Variants in IRGM observed in about 807,000 individuals in gnomAD.
IRGM encodes immunity-related GTPase family M protein.
For synonymous variants in IRGM, 98 were observed against 80.6 expected, an observed-to-expected ratio of 1.22 and a Z score of -1.16; for missense variants, 288 against 219.9, an observed-to-expected ratio of 1.31 and a Z score of -1.96.
intron 3 of IRGM, among the ~76,000 whole-genome samples, chr5:150,880,337 A>T (rs1754426149): frequency 6.6e-6 from 1 of 151,984 alleles, no homozygotes; most frequent in Non-Finnish European, 1.5e-5. Context: ...ATCTGCAAAA[A>T]CTCATAAGGC....
chr5:150,896,846 A>G, intron 3 of IRGM: 1 of 1,613,720 alleles, frequency 6.2e-7, no homozygotes, highest in African/African-American at 1.3e-5. Context: ...GCAGCTGACC[A>G]TCACCTTGAC....
intron 1 of IRGM, among the ~76,000 whole-genome samples, chr5:150,859,376 G>A (rs1163729893): frequency 6.6e-6 from 1 of 152,178 alleles, no homozygotes; most frequent in Non-Finnish European, 1.5e-5. Context: ...AAGGATATTG[G>A]TCTAAAATTC....
intron 3 of IRGM, among the ~76,000 whole-genome samples, chr5:150,885,271 T>C (rs1490039555): frequency 6.6e-6 from 1 of 152,150 alleles, no homozygotes; most frequent in African/African-American, 2.4e-5. Flanking sequence ...TCCATTGGTC[T>C]ATGTGCCTGT....
At chr5:150,889,678 C>T (rs1217964068) in intron 3 of IRGM, among the ~76,000 whole-genome samples, 1 of 152,042 alleles carries the variant, frequency 6.6e-6, no homozygotes, top group Admixed American at 6.6e-5. Flanking sequence ...TAAAAAAACA[C>T]TCAGTCTTTC....
intron 3 of IRGM, among the ~76,000 whole-genome samples, chr5:150,880,393 C>G (rs1001959463): frequency 1.3e-5 from 2 of 152,104 alleles, no homozygotes; most frequent in African/African-American, 4.8e-5. Flanking sequence ...AATTAAGAAC[C>G]TGGGTTTATT....
At chr5:150,851,014 TGTTA>T (rs1561739976), downstream of IRGM, among the ~76,000 whole-genome samples, 1 of 152,200 alleles carries the variant, frequency 6.6e-6, no homozygotes, top group Non-Finnish European at 1.5e-5. Flanking sequence ...TGTTTGGAAA[TGTTA>T]GTTTTGGTTT....
intron 1 of IRGM, among the ~76,000 whole-genome samples, chr5:150,874,495 C>T (rs191771502): frequency 4.3e-4 from 66 of 152,262 alleles, no homozygotes; most frequent in Middle Eastern, 3.4e-3. Flanking sequence ...CATTTGGCCC[C>T]TTCTACAACA....
intron 3 of IRGM, chr5:150,896,204 T>G: frequency 1.9e-6 from 3 of 1,613,648 alleles, no homozygotes; most frequent in South Asian, 2.2e-5. Flanking sequence ...CAGTGTGAAC[T>G]CTCTGATGTA....
intron 3 of IRGM, chr5:150,897,531 A>G (rs1011720099): frequency 6.4e-6 from 1 of 155,586 alleles, no homozygotes; most frequent in East Asian, 1.9e-4. Flanking sequence ...AAAACTAGTA[A>G]AGTTCTCCCA....
chr5:150,851,634 G>A (rs1753977521), downstream of IRGM, among the ~76,000 whole-genome samples: 1 of 152,182 alleles, frequency 6.6e-6, no homozygotes, highest in Non-Finnish European at 1.5e-5. Flanking sequence ...TCTGAATCTT[G>A]CTTGATTCAA....
rs534773724 is a variant in IRGM, at chr5:150,881,115, G to A, written c.*140+1469G>A. ...GCACTCCAGCCTGGGTGACAAAAGC[G>A]AAACTCCATATCAAAAAAAAAAAAA... On this transcript the variant is annotated intron_variant and NMD_transcript_variant, in intron 3 of 3. Coordinates refer to the IRGM transcript ENST00000520549. Among the ~76,000 whole-genome samples, 16 of 141,012 alleles carry A rather than the reference G, an allele frequency of 1.1e-4. No homozygotes were observed. In the South Asian group the frequency reaches 2.5e-3, roughly 22 times the overall value. 92.5% of individuals were successfully genotyped at this position (141,012 alleles called of 152,430 possible). A position where few individuals can be genotyped will look rare whatever the true frequency, so the allele number is the denominator to read the frequency against.
At chr5:150,885,591 T>C (rs1036317003) in intron 3 of IRGM, among the ~76,000 whole-genome samples, 1 of 152,110 alleles carries the variant, frequency 6.6e-6, no homozygotes, top group Non-Finnish European at 1.5e-5. Flanking sequence ...CTGATTTCTT[T>C]GAGCATTGTT....
intron 1 of IRGM, among the ~76,000 whole-genome samples, chr5:150,860,943 C>T (rs1294172898): frequency 1.3e-5 from 2 of 152,102 alleles, no homozygotes; most frequent in Non-Finnish European, 2.9e-5. Context: ...TTTGTCTTAT[C>T]ATGTGCACTC....
intron 3 of IRGM, among the ~76,000 whole-genome samples, chr5:150,882,516 T>C (rs1172538120): frequency 6.6e-6 from 1 of 151,728 alleles, no homozygotes; most frequent in Non-Finnish European, 1.5e-5. Flanking sequence ...GGAAAGAAAG[T>C]GAAAGGATGA....
intron 3 of IRGM, among the ~76,000 whole-genome samples, chr5:150,882,870 C>A (rs1036408953): frequency 1.3e-5 from 2 of 152,116 alleles, no homozygotes; most frequent in African/African-American, 4.8e-5. Context: ...ACCAAAGGGA[C>A]CTAACAGACA....
intron 1 of IRGM, among the ~76,000 whole-genome samples, chr5:150,871,225 T>C (rs562823983): frequency 1.3e-5 from 2 of 152,308 alleles, no homozygotes; most frequent in East Asian, 1.9e-4. Context: ...TCTGGTTTGA[T>C]ACTTGGTACT....
chr5:150,876,617 T>C (rs1397105037), intron 1 of IRGM, among the ~76,000 whole-genome samples: 2 of 152,124 alleles, frequency 1.3e-5, no homozygotes, highest in Non-Finnish European at 2.9e-5. Flanking sequence ...AGTTAGGGCA[T>C]CTCTTAGTTT....
At chr5:150,876,414 T>C (rs1754363721) in intron 1 of IRGM, among the ~76,000 whole-genome samples, 1 of 152,168 alleles carries the variant, frequency 6.6e-6, no homozygotes, top group Non-Finnish European at 1.5e-5. Context: ...GGAGGAATGC[T>C]GCCAACAGGG....
Position 150,878,048 on chromosome 5 carries a change from G to A in IRGM, c.*12G>A, listed in dbSNP as rs537080917. The A allele has an allele frequency of 5.4e-5, 25 of 460,644 alleles. No individual in the cohort carries two copies. The East Asian group carries it at 1.7e-3, about 32-fold the overall frequency. 28.5% of individuals were successfully genotyped at this position (460,644 alleles called of 1,614,324 possible). A position where few individuals can be genotyped will look rare whatever the true frequency, so the allele number is the denominator to read the frequency against. On this transcript the variant is annotated 3_prime_UTR_variant and NMD_transcript_variant, in exon 2 of 4. Coordinates refer to the IRGM transcript ENST00000520549. Reference sequence around the variant, plus strand: ...CTCTTGCTTGCTGAAAGGATCCTGAGAGAAAAGCAAGACAAAGAAATACAG... The same window carrying A: ...CTCTTGCTTGCTGAAAGGATCCTGAAAGAAAAGCAAGACAAAGAAATACAG...
Sources: allele counts gnomAD v4.1 joint callset (sites outside exome capture counted in the v4.1 genomes callset), GRCh38; gene constraint gnomAD v4.1.1; transcripts MANE v1.5; gene names NCBI Gene and HGNC (gene_info 2026-07-23, HGNC 2026-07-21).